The following PTPRG variants were observed in gnomAD, a reference collection of about 807,000 sequenced individuals.
PTPRG encodes the protein protein tyrosine phosphatase receptor type G.
Under a neutral mutation model 165.3 loss-of-function variants are expected in PTPRG, and 102 were observed. The observed-to-expected ratio is 0.62, with a 90% CI of 0.53 to 0.73. The LOEUF is 0.73. Among genes scored for constraint, PTPRG ranks in the 30% least tolerant of loss-of-function variants. The pLI is 0.00. For missense variants in PTPRG, 1,866 were observed against 1,861.4 expected (o/e 1.00, Z -0.05); for synonymous variants, 675 against 669.5 (o/e 1.01, Z -0.13).
At chr3:61,904,206 A>G (rs2038580178) in intron 2 of PTPRG, among the ~76,000 whole-genome samples, 2 of 152,148 alleles carry the variant, frequency 1.3e-5, no homozygotes, top group Admixed American at 1.3e-4. Context: ...CATCCGCCTC[A>G]GACTTGCCAG....
chr3:61,718,453 G>A (rs1172254362), intron 1 of PTPRG, among the ~76,000 whole-genome samples: 2 of 152,088 alleles, frequency 1.3e-5, no homozygotes, highest in East Asian at 3.9e-4. Context: ...TGGCTTCAGC[G>A]GGTTAAAAGA....
chr3:61,880,185 G>A (rs2037845107), intron 2 of PTPRG, among the ~76,000 whole-genome samples: 1 of 152,140 alleles, frequency 6.6e-6, no homozygotes, highest in African/African-American at 2.4e-5. Context: ...TTGATGTTCT[G>A]GGGAAATAAC....
chr3:61,901,054 C>T (rs565913280), intron 2 of PTPRG, among the ~76,000 whole-genome samples: 73 of 152,308 alleles, frequency 4.8e-4, no homozygotes, highest in African/African-American at 1.6e-3. Context: ...CGCTCTTAAT[C>T]TGCTGACAAA....
intron 4 of PTPRG, among the ~76,000 whole-genome samples, chr3:62,039,354 G>C (rs1233233335): frequency 1.3e-5 from 2 of 151,368 alleles, no homozygotes; most frequent in Non-Finnish European, 2.9e-5. Context: ...TTTTAAGCTA[G>C]TAAGAAATTT....
intron 2 of PTPRG, among the ~76,000 whole-genome samples, chr3:61,916,633 T>C (rs1377984980): frequency 6.6e-6 from 1 of 152,260 alleles, no homozygotes; most frequent in African/African-American, 2.4e-5. Flanking sequence ...GTTATTATTA[T>C]ATTTATCTTT....
chr3:62,271,555 G>C lies in PTPRG; in HGVS notation c.3182G>C (p.Ser1061Thr), dbSNP rs1424804575. The C allele has an allele frequency of 6.2e-7, 1 of 1,612,232 alleles. No individual in the cohort carries two copies. The highest frequency in any genetic ancestry group is 8.5e-7 in the Non-Finnish European group (1 of 1,179,018). The change falls in exon 21 of 30, where the codon AGT becomes ACT. Residue 1061 changes from serine to threonine, a missense_variant and splice_region_variant. By Grantham distance (58) the Ser-to-Thr change is moderately conservative. Transcript: ENST00000474889. The surrounding 1 kb of genome is among the most constrained non-coding windows in gnomAD (Gnocchi z 4.1). ...ACGGGCCCTGTGTTGGTGCACTGCA[G>C]GTAGGGTCTAGGATTCAACATGTGA... ...PETGPVLVHC[S>T]AGVGRTGTYI...
At chr3:62,218,792 A>G (rs1220662547) in intron 12 of PTPRG, 59 bp from the exon 13 acceptor site, 18 of 1,556,608 alleles carry the variant, frequency 1.2e-5, no homozygotes, top group South Asian at 2.4e-5. Flanking sequence ...CTCTGCATCA[A>G]TTCTGGCTCC....
At chr3:61,897,534 G>A (rs565157177) in intron 2 of PTPRG, among the ~76,000 whole-genome samples, 1 of 152,048 alleles carries the variant, frequency 6.6e-6, no homozygotes. Context: ...CTTCTCTCTC[G>A]ATTGTTCTGT....
At chr3:61,910,544 A>G (rs1306171663) in intron 2 of PTPRG, among the ~76,000 whole-genome samples, 3 of 151,966 alleles carry the variant, frequency 2.0e-5, no homozygotes, top group African/African-American at 4.8e-5. Flanking sequence ...GCCTGTTCCA[A>G]TTTGTTCCTG....
intron 1 of PTPRG, among the ~76,000 whole-genome samples, chr3:61,622,619 C>A (rs1200674652): frequency 6.6e-6 from 1 of 152,062 alleles, no homozygotes; most frequent in Admixed American, 6.5e-5. Context: ...ATGGAAAGTG[C>A]TTTTCTCTGA....
chr3:62,208,475 T>C (rs969406194), intron 12 of PTPRG, among the ~76,000 whole-genome samples: 4 of 152,160 alleles, frequency 2.6e-5, no homozygotes, highest in African/African-American at 9.7e-5. Flanking sequence ...AGAAACTCAG[T>C]ATGTGAACAC....
At chr3:61,832,060 G>A (rs2036311883) in intron 2 of PTPRG, among the ~76,000 whole-genome samples, 1 of 152,112 alleles carries the variant, frequency 6.6e-6, no homozygotes, top group Non-Finnish European at 1.5e-5. Flanking sequence ...AAATATCCCA[G>A]AAAGAGTCAA....
intron 1 of PTPRG, among the ~76,000 whole-genome samples, chr3:61,641,370 A>G (rs7617908): frequency 0.34 from 52,432 of 152,110 alleles, 10,127 homozygotes; most frequent in South Asian, 0.49. Context: ...TCGGGAGGGC[A>G]AGACGCCCAG....
chr3:62,071,458 G>C (rs1391211110), intron 4 of PTPRG, among the ~76,000 whole-genome samples: 1 of 152,128 alleles, frequency 6.6e-6, no homozygotes, highest in African/African-American at 2.4e-5. Flanking sequence ...CCTGCCCATT[G>C]CCTGTATAAA....
chr3:61,754,089 C>A (rs962776478), intron 2 of PTPRG, among the ~76,000 whole-genome samples: 1 of 152,030 alleles, frequency 6.6e-6, no homozygotes, highest in African/African-American at 2.4e-5. Flanking sequence ...ACAAGGAGAC[C>A]ATTTCTCATT....
intron 14 of PTPRG, among the ~76,000 whole-genome samples, chr3:62,235,709 C>T (rs1357111013): frequency 6.6e-6 from 1 of 152,190 alleles, no homozygotes; most frequent in African/African-American, 2.4e-5. Context: ...TCTGACTGTA[C>T]CAAAAGTCGA....
At chr3:62,117,135 T>C (rs981372504) in intron 5 of PTPRG, among the ~76,000 whole-genome samples, 8 of 152,200 alleles carry the variant, frequency 5.3e-5, no homozygotes, top group African/African-American at 1.9e-4. Context: ...GTGACCCAAT[T>C]ATTATTCAAA....
At chr3:61,883,501 A>C (rs2037945620) in intron 2 of PTPRG, among the ~76,000 whole-genome samples, 1 of 152,222 alleles carries the variant, frequency 6.6e-6, no homozygotes, top group African/African-American at 2.4e-5. Context: ...TTAGTAATTC[A>C]AAACTCCTCT....
At chr3:62,257,005 G>C (rs1701551643) in intron 16 of PTPRG, among the ~76,000 whole-genome samples, 1 of 152,140 alleles carries the variant, frequency 6.6e-6, no homozygotes, top group African/African-American at 2.4e-5. Context: ...ATACTTATGG[G>C]AGTGGAATGG....
Sources: gnomAD v4.1 joint callset for allele counts (sites outside exome capture counted in the v4.1 genomes callset) on GRCh38, gnomAD v4.1.1 for gene constraint, Gnocchi (gnomAD v3.1) non-coding constraint, MANE v1.5 for transcripts, NCBI Gene and HGNC (gene_info 2026-07-23, HGNC 2026-07-21) for gene names.